CRIM1: variants seen among roughly 807,000 people sequenced by gnomAD.
CRIM1 encodes cysteine rich transmembrane BMP regulator 1.
In CRIM1, 32 loss-of-function variants were observed where a neutral mutation model predicts 116.4. The observed-to-expected ratio is 0.27, with a 90% CI of 0.21 to 0.37. The LOEUF (loss-of-function observed/expected upper bound fraction) is 0.37, where lower values mean the gene tolerates loss of function less well. Among genes scored for constraint, CRIM1 ranks in the 10% least tolerant of loss-of-function variants. CRIM1 has a pLI of 1.00. For synonymous variants in CRIM1, 590 were observed against 509.2 expected, an observed-to-expected ratio of 1.16 and a Z score of -2.13; for missense variants, 1,331 against 1,354.8, an observed-to-expected ratio of 0.98 and a Z score of 0.28.
intron 1 of CRIM1, among the ~76,000 whole-genome samples, chr2:36,383,066 C>G (rs1670905148): frequency 6.6e-6 from 1 of 152,152 alleles, no homozygotes; most frequent in Non-Finnish European, 1.5e-5. Flanking sequence ...GACTTCTTTT[C>G]CACTCTAAAT....
chr2:36,530,457 G>T (rs1049116590), intron 13 of CRIM1, among the ~76,000 whole-genome samples: 1 of 152,146 alleles, frequency 6.6e-6, no homozygotes, highest in African/African-American at 2.4e-5. Context: ...TCCAAGTGTG[G>T]AGTTTGTGCC....
At position 36,550,683 on chromosome 2, in the gene CRIM1, G is replaced by C; in HGVS notation, c.*1982G>C. Reference sequence around the variant, plus strand: ...GGAAAAAAAGATTTATTATCAAGGGGCAATATTTTTATCTTTTCCAAAATA... The same window carrying C: ...GGAAAAAAAGATTTATTATCAAGGGCCAATATTTTTATCTTTTCCAAAATA... On this transcript the variant is annotated 3_prime_UTR_variant, in exon 17 of 17. Coordinates refer to ENST00000280527, the MANE Select transcript of CRIM1 (RefSeq NM_016441.3). 1 of 152,276 alleles carries C rather than the reference G, an allele frequency of 6.6e-6. No individual in the cohort carries two copies. Among genetic ancestry groups the C allele is most frequent in the Non-Finnish European group, 1.5e-5 (1 of 67,962 alleles). 9.4% of individuals were successfully genotyped at this position (152,276 alleles called of 1,614,324 possible).
intron 8 of CRIM1, 93 bp downstream of exon 8, chr2:36,499,440 C>A: frequency 7.6e-7 from 1 of 1,315,118 alleles, no homozygotes; most frequent in African/African-American, 1.5e-5. Flanking sequence ...CACTTCTGTT[C>A]AGACATTCCC....
intron 1 of CRIM1, among the ~76,000 whole-genome samples, chr2:36,395,202 A>G (rs1032860039): frequency 6.6e-6 from 1 of 151,940 alleles, no homozygotes; most frequent in Non-Finnish European, 1.5e-5. Flanking sequence ...TTTAATGGAG[A>G]TGGGGTTTCA....
intron 2 of CRIM1, among the ~76,000 whole-genome samples, 185 bp downstream of exon 2, chr2:36,396,972 A>G (rs1174431397): frequency 1.3e-5 from 2 of 152,156 alleles, no homozygotes; most frequent in Non-Finnish European, 2.9e-5. Context: ...CCGAGACGCT[A>G]TGGAATGGCG....
chr2:36,360,011 A>T (rs988939327), intron 1 of CRIM1, among the ~76,000 whole-genome samples: 1 of 152,188 alleles, frequency 6.6e-6, no homozygotes, highest in Non-Finnish European at 1.5e-5. Context: ...TGAGAAAGAA[A>T]TCTGGATGGA....
intron 4 of CRIM1, among the ~76,000 whole-genome samples, chr2:36,462,786 A>G (rs745333727): frequency 1.3e-4 from 20 of 152,242 alleles, no homozygotes; most frequent in Non-Finnish European, 1.9e-4. Context: ...CAGAGTGCCA[A>G]GTACAATAAA....
At chr2:36,445,205 C>G (rs1316043562) in intron 4 of CRIM1, among the ~76,000 whole-genome samples, 3 of 152,210 alleles carry the variant, frequency 2.0e-5, no homozygotes, top group East Asian at 1.9e-4. Flanking sequence ...AGTTACCTTC[C>G]TGCCATTGGG....
chr2:36,463,555 C>A (rs1281732127), intron 4 of CRIM1, among the ~76,000 whole-genome samples: 1 of 152,180 alleles, frequency 6.6e-6, no homozygotes, highest in African/African-American at 2.4e-5. Flanking sequence ...ACCCATACAT[C>A]TCTCCCCAGG....
intron 16 of CRIM1, 24 bp downstream of exon 16, chr2:36,547,195 T>A (rs1183428041): frequency 3.2e-6 from 5 of 1,574,334 alleles, no homozygotes; most frequent in Admixed American, 1.8e-5. Flanking sequence ...AAAGTTAGTC[T>A]CTTGAATGAT....
chr2:36,391,454 T>C (rs533810465), intron 1 of CRIM1, among the ~76,000 whole-genome samples: 2 of 152,228 alleles, frequency 1.3e-5, no homozygotes, highest in Non-Finnish European at 2.9e-5. Context: ...AGAACATTAA[T>C]GTGCTGGGAA....
intron 7 of CRIM1, among the ~76,000 whole-genome samples, chr2:36,489,979 C>T (rs550208111): frequency 1.8e-4 from 28 of 152,302 alleles, no homozygotes; most frequent in African/African-American, 5.8e-4. Context: ...TGGTCACTAA[C>T]GTGCTCCAAA....
At chr2:36,540,913 A>G (rs1666899972) in intron 14 of CRIM1, among the ~76,000 whole-genome samples, 1 of 152,224 alleles carries the variant, frequency 6.6e-6, no homozygotes, top group Non-Finnish European at 1.5e-5. Flanking sequence ...TATTGCTAAC[A>G]TCCTTGTTCA....
intron 2 of CRIM1, among the ~76,000 whole-genome samples, chr2:36,409,355 G>A (rs1241824012): frequency 6.6e-6 from 1 of 152,040 alleles, no homozygotes; most frequent in East Asian, 1.9e-4. Context: ...TTGTACCCTA[G>A]AGTGTTACCT....
In CRIM1 at chr2:36,449,465, G is replaced by A. The variant is rs529384529; in HGVS notation, c.869+6730G>A. Reference sequence around the variant, plus strand: ...CACATACCTGTGAGTAAACCATTCCGTAGCTAAAGAATACTCCTCTGCACA... The same window carrying A: ...CACATACCTGTGAGTAAACCATTCCATAGCTAAAGAATACTCCTCTGCACA... On this transcript the variant is annotated intron_variant, in intron 4 of 16. Transcript: ENST00000280527. 3.3e-5 allele frequency among the ~76,000 whole-genome samples: 5 copies of A among 152,242 alleles called. No homozygotes were observed. In the South Asian group the frequency reaches 8.3e-4, roughly 25 times the overall value.
rs764454915 is a variant in CRIM1 at position 36,476,918 on chromosome 2, G to A, written c.1021G>A (p.Val341Met). ...AAAGCCAGCCTGCGTATTTAACAATGTGGAATATTATGATGGAGACATGTT... is the reference window on the plus strand; with the variant it reads ...AAAGCCAGCCTGCGTATTTAACAATATGGAATATTATGATGGAGACATGTT... ...DTKPACVFNN[V>M]EYYDGDMFRM... The change falls in exon 6 of 17, where the codon GTG (valine) becomes ATG (methionine). Residue 341 changes from valine to methionine, a missense_variant. Transcript: ENST00000280527. The A allele has an allele frequency of 6.2e-7, 1 of 1,613,798 alleles. No individual in the cohort carries two copies. Among genetic ancestry groups the A allele is most frequent in the East Asian group, 2.2e-5 (1 of 44,872 alleles).
chr2:36,482,181 C>T (rs1253146205), intron 7 of CRIM1, among the ~76,000 whole-genome samples: 5 of 152,084 alleles, frequency 3.3e-5, no homozygotes, highest in African/African-American at 4.8e-5. Context: ...TCTCATCAAA[C>T]GTTTCAGAAG....
At position 36,499,233 on chromosome 2, in the gene CRIM1, A is replaced by C; in HGVS notation, c.1387A>C (p.Thr463Pro). The change falls in exon 8 of 17, where the codon ACA becomes CCA. Residue 463 changes from threonine to proline, a missense_variant. Thr to Pro is a conservative substitution (Grantham distance 38). Transcript: ENST00000280527. ...TTTATTATTAGAACCAACCATCATC[A>C]CAGTTGATCCACCTGCATGTGGGGA... ...CPVCEEPTII[T>P]VDPPACGELS... is the part of the protein sequence containing the mutation. The C allele has an allele frequency of 6.2e-7, 1 of 1,611,142 alleles. No individual in the cohort carries two copies. Among genetic ancestry groups the C allele is most frequent in the Non-Finnish European group, 8.5e-7 (1 of 1,177,402 alleles).
intron 2 of CRIM1, among the ~76,000 whole-genome samples, chr2:36,406,993 TTC>T (rs1672858618): frequency 6.6e-6 from 1 of 152,170 alleles, no homozygotes; most frequent in Non-Finnish European, 1.5e-5. Flanking sequence ...TGGAATTCCC[TTC>T]CCTTGACCAA....
Sources: allele counts gnomAD v4.1 joint callset (sites outside exome capture counted in the v4.1 genomes callset), GRCh38; gene constraint gnomAD v4.1.1; transcripts MANE v1.5; gene names NCBI Gene and HGNC (gene_info 2026-07-23, HGNC 2026-07-21).